Variants in KLHL25 observed in about 807,000 individuals in gnomAD.
The protein encoded by KLHL25 is kelch-like protein 25.
A neutral mutation model predicts 30.0 loss-of-function variants in KLHL25; 41 were observed. That is an observed-to-expected ratio of 1.37 (90% CI 1.07 to 1.78). The LOEUF (loss-of-function observed/expected upper bound fraction) is 1.78, where lower values mean the gene tolerates loss of function less well. Ranked by LOEUF, KLHL25 falls within the 40% of genes most tolerant of loss-of-function variation. KLHL25 has a pLI of 0.00. For missense variants in KLHL25, 971 were observed against 824.5 expected (o/e 1.18, Z -2.18); for synonymous variants, 399 against 355.3 (o/e 1.12, Z -1.38).
In KLHL25 at chr15:85,789,184, C is replaced by T. The variant is rs918726398; in HGVS notation, c.-11+5582G>A. On this transcript the variant is annotated intron_variant, in intron 1 of 2. Coordinates refer to ENST00000337975, the MANE Select transcript of KLHL25 (RefSeq NM_022480.4). The surrounding 1 kb of genome is among the most constrained non-coding windows in gnomAD (Gnocchi z 4.1). ...TCCCTGCATCCTACTCCTCACCACT[C>T]GGCTGATGGTGGAAGGCTCCTCCTG... 1.3e-5 allele frequency among the ~76,000 whole-genome samples: 2 copies of T among 152,204 alleles called. No individual in the cohort carries two copies. The highest frequency in any genetic ancestry group is 4.8e-5 in the African/African-American group (2 of 41,454).
At chr15:85,776,696 T>C (rs1438376210) in intron 1 of KLHL25, among the ~76,000 whole-genome samples, 7 of 151,890 alleles carry the variant, frequency 4.6e-5, no homozygotes, top group African/African-American at 1.7e-4. Flanking sequence ...GAGGCTGAGG[T>C]GGGCGGATCA....
chr15:85,769,593 G>T lies in KLHL25; in HGVS notation c.218C>A (p.Ala73Asp), dbSNP rs773473043. ...VLAASSRYFEAMFSHGLRESR... is the reference protein window; with the variant it reads ...VLAASSRYFEDMFSHGLRESR... ...CTCCCGAAGGCCATGGCTGAACATG[G>T]CCTCAAAATAGCGGCTAGAGGCGGC... The change falls in exon 2 of 3, where the codon GCC becomes GAC. Residue 73 changes from alanine (A) to aspartate (D), a missense_variant. Coordinates refer to ENST00000337975, the MANE Select transcript of KLHL25 (RefSeq NM_022480.4). The T allele has an allele frequency of 2.5e-6, 4 of 1,613,666 alleles. No homozygotes were observed. In the African/African-American group the frequency reaches 4.0e-5, roughly 16 times the overall value.
rs976427518 is a variant in KLHL25, at chr15:85,759,636, C to A, written c.*1400G>T. ...CATGGCGGGCGTGTCAGTGGGCAAA[C>A]CCTGCCCAAAGGTCCCACCCCCAAG... On this transcript the variant is annotated 3_prime_UTR_variant, in exon 3 of 3. Coordinates refer to ENST00000337975, the MANE Select transcript of KLHL25 (RefSeq NM_022480.4). 2.6e-5 allele frequency: 4 copies of A among 152,332 alleles called. No individual in the cohort carries two copies. Among genetic ancestry groups the A allele is most frequent in the African/African-American group, 9.6e-5 (4 of 41,460 alleles). 9.4% of individuals were successfully genotyped at this position (152,332 alleles called of 1,614,324 possible). A position where few individuals can be genotyped will look rare whatever the true frequency, so the allele number is the denominator to read the frequency against.
chr15:85,774,690 G>T (rs1379011655), intron 1 of KLHL25, among the ~76,000 whole-genome samples: 1 of 151,956 alleles, frequency 6.6e-6, no homozygotes, highest in Non-Finnish European at 1.5e-5. Flanking sequence ...CTCAAAACGA[G>T]GGTGTCAGCT....
intron 1 of KLHL25, among the ~76,000 whole-genome samples, chr15:85,780,258 G>T (rs2089734780): frequency 6.6e-6 from 1 of 152,188 alleles, no homozygotes; most frequent in Non-Finnish European, 1.5e-5. Context: ...ACCACAGAGG[G>T]GACAAAGAAC....
intron 1 of KLHL25, among the ~76,000 whole-genome samples, chr15:85,776,124 G>A (rs1269170662): frequency 6.7e-6 from 1 of 149,892 alleles, no homozygotes; most frequent in Non-Finnish European, 1.5e-5. Context: ...AGTGGGCCGA[G>A]ATCACGCCAC....
chr15:85,764,633 A>C (rs977092173), intron 2 of KLHL25, among the ~76,000 whole-genome samples: 4 of 152,212 alleles, frequency 2.6e-5, no homozygotes, highest in African/African-American at 7.2e-5. Context: ...TCCAGTGGGC[A>C]CAGGGCAAGT....
Position 85,769,006 on chromosome 15 carries a change from C to G in KLHL25, c.805G>C (p.Ala269Pro). 3 of 1,611,586 alleles carry G rather than the reference C, an allele frequency of 1.9e-6. No homozygotes were observed. Among genetic ancestry groups the G allele is most frequent in the Non-Finnish European group, 2.5e-6 (3 of 1,179,612 alleles). The change falls in exon 2 of 3, where the codon GCC (alanine) becomes CCC (proline). Residue 269 changes from alanine (A) to proline (P), a missense_variant. By Grantham distance (27) the Ala-to-Pro change is conservative. Coordinates refer to ENST00000337975, the MANE Select transcript of KLHL25 (RefSeq NM_022480.4). The stretch of plus-strand genomic sequence containing the variant: ...AGGATCCTGGTCTTGCAGCGCAGGG[C>G]CTCATCCATGATAAGCTTGGTGCGC... ...DERTKLIMDE[A>P]LRCKTRILQN...
intron 2 of KLHL25, among the ~76,000 whole-genome samples, chr15:85,765,659 CA>C (rs1251235978): frequency 7.7e-6 from 1 of 129,682 alleles, no homozygotes; most frequent in East Asian, 2.2e-4. Context: ...AAGAAGAAAA[CA>C]GAAAAGCTGT....
At chr15:85,791,850 A>T (rs8035032) in intron 1 of KLHL25, among the ~76,000 whole-genome samples, 6,182 of 152,316 alleles carry the variant, frequency 0.041, 404 homozygotes, top group African/African-American at 0.14. Flanking sequence ...AATGAGGTTA[A>T]GGAACTTGAT....
intron 1 of KLHL25, among the ~76,000 whole-genome samples, chr15:85,786,133 G>T (rs1023809302): frequency 6.6e-6 from 1 of 152,202 alleles, no homozygotes; most frequent in African/African-American, 2.4e-5. Flanking sequence ...TAGCTGCAGA[G>T]GTATAAAGGC....
chr15:85,782,177 T>A (rs753011886), intron 1 of KLHL25, among the ~76,000 whole-genome samples: 2 of 152,142 alleles, frequency 1.3e-5, no homozygotes, highest in African/African-American at 4.8e-5. Context: ...ATTACATATG[T>A]ACGTTTATTT....
rs1270495692 is a variant in KLHL25 at position 85,759,708 on chromosome 15, TTAAG to T, written c.*1324_*1327del. 6.6e-6 allele frequency: 1 copy of T among 152,208 alleles called. No homozygotes were observed. The highest frequency in any genetic ancestry group is 6.5e-5 in the Admixed American group (1 of 15,278). The allele number at this position is 152,208 out of a possible 1,614,324, so 9.4% of individuals were successfully genotyped here. ...AGGCATGGGGGACACTCGTGGCTGC[TTAAG>T]TAACTGGTATGTGCACAGCCCCCTC... On this transcript the variant is annotated 3_prime_UTR_variant, in exon 3 of 3. Coordinates refer to ENST00000337975, the MANE Select transcript of KLHL25 (RefSeq NM_022480.4).
rs761040307 is a variant in KLHL25 at position 85,768,653 on chromosome 15, C to T, written c.1158G>A (p.Leu386=). The change falls in exon 2 of 3, where the codon CTG becomes CTA. Residue 386 remains leucine, a synonymous_variant. Transcript: ENST00000337975. ...IARFGHGSAE[L]ENCLYVVGGH... ...CCCCCACCACATAGAGGCAGTTCTCCAGCTCAGCTGAGCCATGGCCAAAGC... is the reference window on the plus strand; with the variant it reads ...CCCCCACCACATAGAGGCAGTTCTCTAGCTCAGCTGAGCCATGGCCAAAGC... 6.2e-7 allele frequency: 1 copy of T among 1,613,220 alleles called. No individual in the cohort carries two copies. The highest frequency in any genetic ancestry group is 8.5e-7 in the Non-Finnish European group (1 of 1,179,538).
intron 2 of KLHL25, among the ~76,000 whole-genome samples, chr15:85,767,501 G>C (rs1772785592): frequency 6.6e-6 from 1 of 152,202 alleles, no homozygotes; most frequent in Non-Finnish European, 1.5e-5. Flanking sequence ...CTCTGCCTTA[G>C]TACATGTCTC....
chr15:85,761,394 G>A (rs1224830286), intron 2 of KLHL25: 1 of 152,326 alleles, frequency 6.6e-6, no homozygotes, highest in African/African-American at 2.4e-5. Flanking sequence ...ACCATCAGAT[G>A]GGCAGGGGCC....
intron 1 of KLHL25, among the ~76,000 whole-genome samples, chr15:85,779,867 C>A (rs1438359517): frequency 1.3e-5 from 2 of 152,218 alleles, no homozygotes; most frequent in Non-Finnish European, 2.9e-5. Flanking sequence ...CCATAATTTT[C>A]TGAATTTTTA....
chr15:85,780,132 C>T (rs2089734269), intron 1 of KLHL25, among the ~76,000 whole-genome samples: 1 of 152,186 alleles, frequency 6.6e-6, no homozygotes, highest in Non-Finnish European at 1.5e-5. Context: ...TGCCAACCCC[C>T]TCAGGTTGGG....
chr15:85,759,613 T>C lies in KLHL25; in HGVS notation c.*1423A>G, dbSNP rs1176768593. On this transcript the variant is annotated 3_prime_UTR_variant, in exon 3 of 3. Transcript: ENST00000337975. ...GGAGCCCCATGCAGCCAGTGCCCCATGGCGGGCGTGTCAGTGGGCAAACCC... is the reference window on the plus strand; with the variant it reads ...GGAGCCCCATGCAGCCAGTGCCCCACGGCGGGCGTGTCAGTGGGCAAACCC... 6.6e-6 allele frequency: 1 copy of C among 152,266 alleles called. No individual in the cohort carries two copies. Among genetic ancestry groups the C allele is most frequent in the Non-Finnish European group, 1.5e-5 (1 of 68,086 alleles). The allele number at this position is 152,266 out of a possible 1,614,324, so 9.4% of individuals were successfully genotyped here. A position where few individuals can be genotyped will look rare whatever the true frequency, so the allele number is the denominator to read the frequency against.
Sources: allele counts gnomAD v4.1 joint callset (sites outside exome capture counted in the v4.1 genomes callset), GRCh38; gene constraint gnomAD v4.1.1; non-coding constraint Gnocchi (gnomAD v3.1); transcripts MANE v1.5; gene names NCBI Gene and HGNC (gene_info 2026-07-23, HGNC 2026-07-21).